The following INPP4B variants were observed in gnomAD, a reference collection of about 807,000 sequenced individuals.
INPP4B encodes inositol polyphosphate-4-phosphatase type II B, also known as inositol polyphosphate 4-phosphatase type II.
A neutral mutation model predicts 122.5 loss-of-function variants in INPP4B; 55 were observed. The observed-to-expected ratio is 0.45, with a 90% CI of 0.36 to 0.56. The LOEUF (loss-of-function observed/expected upper bound fraction) is 0.56, where lower values mean the gene tolerates loss of function less well. INPP4B is among the 20% of genes least tolerant of loss of function. INPP4B has a pLI of 0.00. For synonymous variants in INPP4B, 403 were observed against 388.7 expected, an observed-to-expected ratio of 1.04 and a Z score of -0.43; for missense variants, 1,000 against 1,097.7, an observed-to-expected ratio of 0.91 and a Z score of 1.26.
intron 2 of INPP4B, among the ~76,000 whole-genome samples, chr4:142,621,440 G>A (rs1156617097): frequency 6.6e-6 from 1 of 151,772 alleles, no homozygotes; most frequent in Non-Finnish European, 1.5e-5. Flanking sequence ...GCTTTAGATG[G>A]GTGTCAATTA....
At chr4:142,420,969 C>T (rs1181479327) in intron 5 of INPP4B, among the ~76,000 whole-genome samples, 1 of 152,116 alleles carries the variant, frequency 6.6e-6, no homozygotes, top group Non-Finnish European at 1.5e-5. Context: ...TTCATTTAAT[C>T]ATCACAAGAA....
Position 142,387,491 on chromosome 4 carries a change from A to G in INPP4B, c.372+15447T>C, listed in dbSNP as rs557176115. On this transcript the variant is annotated intron_variant, in intron 7 of 25. Transcript: ENST00000262992. ...ACTGAAGTGCATTTAAAAAAAAAAA[A>G]AAAGAAAGAAAAAAAGATTTTCTTT... Among the ~76,000 whole-genome samples, 22 of 144,808 alleles carry G rather than the reference A, an allele frequency of 1.5e-4. No individual in the cohort carries two copies. The East Asian group carries it at 3.8e-3, about 25-fold the overall frequency. 95.0% of individuals were successfully genotyped at this position (144,808 alleles called of 152,430 possible). A position where few individuals can be genotyped will look rare whatever the true frequency, so the allele number is the denominator to read the frequency against.
At chr4:142,439,061 C>G (rs773522682) in intron 3 of INPP4B, among the ~76,000 whole-genome samples, 1 of 152,110 alleles carries the variant, frequency 6.6e-6, no homozygotes, top group Non-Finnish European at 1.5e-5. Context: ...GTGAGAAATA[C>G]AGGTGTCTGA....
intron 9 of INPP4B, among the ~76,000 whole-genome samples, chr4:142,271,794 T>C (rs891510147): frequency 1.5e-4 from 23 of 152,168 alleles, no homozygotes; most frequent in African/African-American, 5.3e-4. Flanking sequence ...ATGATAATAA[T>C]ATAAGATTTT....
intron 2 of INPP4B, chr4:142,560,309 C>G (rs1024642499): frequency 2.0e-5 from 3 of 152,238 alleles, no homozygotes; most frequent in African/African-American, 7.2e-5. Context: ...ACAAGACAAT[C>G]AGGCTCCTCT....
At chr4:142,506,470 A>G (rs547546333) in intron 2 of INPP4B, among the ~76,000 whole-genome samples, 1 of 152,284 alleles carries the variant, frequency 6.6e-6, no homozygotes, top group Non-Finnish European at 1.5e-5. Context: ...CCTCACTTTC[A>G]GATCATGCTC....
At chr4:142,118,348 C>A (rs1041491475) in intron 21 of INPP4B, among the ~76,000 whole-genome samples, 1 of 151,780 alleles carries the variant, frequency 6.6e-6, no homozygotes, top group Non-Finnish European at 1.5e-5. Flanking sequence ...CAATCTTAAG[C>A]CAAAAGAAGA....
chr4:142,311,648 C>A (rs1765557913), intron 8 of INPP4B, among the ~76,000 whole-genome samples: 1 of 152,108 alleles, frequency 6.6e-6, no homozygotes, highest in Non-Finnish European at 1.5e-5. Context: ...CACTTTCTGC[C>A]CTTTCTTCAT....
chr4:142,298,557 C>T (rs1309920153), intron 9 of INPP4B, among the ~76,000 whole-genome samples: 7 of 151,590 alleles, frequency 4.6e-5, no homozygotes, highest in African/African-American at 7.3e-5. Flanking sequence ...TGATGGTGGG[C>T]GCCTATAATC....
chr4:142,323,584 T>C (rs990495028), intron 7 of INPP4B, among the ~76,000 whole-genome samples: 6 of 151,714 alleles, frequency 4.0e-5, no homozygotes, highest in African/African-American at 1.2e-4. Flanking sequence ...TAGCTGGGAC[T>C]ACAGGCACCC....
In INPP4B at chr4:142,029,173, A is replaced by T. The variant is rs910644654; in HGVS notation, c.2643-259T>A. ...AAATTTAATAAACTCTTTAAATATA[A>T]TTTGCTCCACAATACAGCTCCACTT... On this transcript the variant is annotated intron_variant, in intron 25 of 25. Transcript: ENST00000262992. The T allele has an allele frequency of 3.1e-5, 36 of 1,147,894 alleles. No individual in the cohort carries two copies. In the African/African-American group the frequency reaches 5.6e-4, roughly 18 times the overall value. 71.1% of individuals were successfully genotyped at this position (1,147,894 alleles called of 1,614,324 possible).
intron 15 of INPP4B, among the ~76,000 whole-genome samples, chr4:142,179,748 T>A (rs976885963): frequency 2.0e-5 from 3 of 152,178 alleles, no homozygotes; most frequent in African/African-American, 7.2e-5. Context: ...TTAATTCAAA[T>A]TTTCCAGGTA....
At chr4:142,070,997 A>T (rs187609648) in intron 25 of INPP4B, among the ~76,000 whole-genome samples, 1 of 152,338 alleles carries the variant, frequency 6.6e-6, no homozygotes, top group Non-Finnish European at 1.5e-5. Context: ...TTTAAAGTTT[A>T]TATAGAACCA....
intron 8 of INPP4B, among the ~76,000 whole-genome samples, chr4:142,310,060 T>C (rs1233615782): frequency 6.6e-6 from 1 of 151,996 alleles, no homozygotes; most frequent in East Asian, 1.9e-4. Flanking sequence ...ACCATACATA[T>C]GGCCACAGCT....
chr4:142,125,522 T>C (rs1511247), intron 18 of INPP4B, among the ~76,000 whole-genome samples: 81,148 of 152,000 alleles, frequency 0.53, 25,155 homozygotes, highest in Non-Finnish European at 0.68. Context: ...CTTAAACTTA[T>C]CTTGTTCTCT....
chr4:142,758,514 A>G (rs1770827293), intron 1 of INPP4B, among the ~76,000 whole-genome samples: 1 of 152,146 alleles, frequency 6.6e-6, no homozygotes, highest in Non-Finnish European at 1.5e-5. Context: ...TAAAATCAGG[A>G]AAGTTGTAAA....
chr4:142,635,321 A>G (rs1025256767), intron 2 of INPP4B, among the ~76,000 whole-genome samples: 3 of 152,168 alleles, frequency 2.0e-5, no homozygotes, highest in African/African-American at 7.2e-5. Flanking sequence ...ACAGCTAAAA[A>G]TAGAACTACC....
intron 10 of INPP4B, among the ~76,000 whole-genome samples, chr4:142,269,145 CTTTTA>C (rs373668926): frequency 8.7e-4 from 133 of 152,252 alleles, no homozygotes; most frequent in Non-Finnish European, 1.2e-3. Context: ...TAATTGACTT[CTTTTA>C]TTTTAAGTAA....
chr4:142,498,541 C>G (rs994131027), intron 2 of INPP4B, among the ~76,000 whole-genome samples: 1 of 152,050 alleles, frequency 6.6e-6, no homozygotes, highest in African/African-American at 2.4e-5. Flanking sequence ...GTAATCCCAG[C>G]ATTTTGGGAG....
Sources: allele counts gnomAD v4.1 joint callset (sites outside exome capture counted in the v4.1 genomes callset), GRCh38; gene constraint gnomAD v4.1.1; transcripts MANE v1.5; gene names NCBI Gene and HGNC (gene_info 2026-07-23, HGNC 2026-07-21).